DGKB: variants seen among roughly 807,000 people sequenced by gnomAD.
DGKB encodes diacylglycerol kinase beta.
DGKB carries 67 observed loss-of-function variants against 114.3 expected under a neutral mutation model. The ratio of observed to expected loss-of-function variants is 0.59; its 90% CI spans 0.48 to 0.72. DGKB has a LOEUF of 0.72. Ranked by LOEUF, DGKB falls within the 30% of genes least tolerant of loss-of-function variation. The probability of loss-of-function intolerance (pLI) is 0.00; values close to 1 mark genes in which losing one functional copy is unlikely to be tolerated. For synonymous variants in DGKB, 398 were observed against 323.1 expected, an observed-to-expected ratio of 1.23 and a Z score of -2.49; for missense variants, 907 against 975.2, an observed-to-expected ratio of 0.93 and a Z score of 0.93.
intron 12 of DGKB, among the ~76,000 whole-genome samples, chr7:14,673,650 A>G (rs1265357421): frequency 6.6e-6 from 1 of 152,014 alleles, no homozygotes; most frequent in African/African-American, 2.4e-5. Flanking sequence ...TGTCCTATTT[A>G]TTTTTTAATA....
At chr7:14,914,763 C>A (rs909430974) in intron 1 of DGKB, among the ~76,000 whole-genome samples, 1 of 151,372 alleles carries the variant, frequency 6.6e-6, no homozygotes, top group African/African-American at 2.4e-5. Flanking sequence ...AAAAAGTAGA[C>A]AACATTCAAG....
rs574879763 is a variant in DGKB, at chr7:14,574,436, T to C, written c.1610-64A>G. 18 of 1,393,814 alleles carry C rather than the reference T, an allele frequency of 1.3e-5. No individual in the cohort carries two copies. In the South Asian group the frequency reaches 1.9e-4, roughly 15 times the overall value. The allele number at this position is 1,393,814 out of a possible 1,614,324, so 86.3% of individuals were successfully genotyped here. Reference sequence around the variant, plus strand: ...ACCAAATAAAAAAGCTGTATTTTTATGTTTCAGTGTGCTTATGCATATGTA... The same window carrying C: ...ACCAAATAAAAAAGCTGTATTTTTACGTTTCAGTGTGCTTATGCATATGTA... On this transcript the variant is annotated intron_variant, in intron 19 of 25. Coordinates refer to ENST00000402815, the MANE Select transcript of DGKB (RefSeq NM_001350709.2).
rs73289506 is a variant in DGKB, at chr7:14,579,471, T to C, written c.1609+1391A>G. The stretch of plus-strand genomic sequence containing the variant: ...ATTATTAATTTTCATATACATCAAA[T>C]ATATGTTCCAGGAGAACATGGCAAG... On this transcript the variant is annotated intron_variant, in intron 19 of 25. Transcript: ENST00000402815. Among the ~76,000 whole-genome samples the C allele has an allele frequency of 9.4e-3, 1,438 of 152,316 alleles. 31 individuals carry two copies. Among genetic ancestry groups the C allele is most frequent in the African/African-American group, 0.033 (1,376 of 41,558 alleles).
In DGKB at chr7:14,338,599, G is replaced by A; in HGVS notation, c.2038C>T (p.Arg680Ter). 1.2e-6 allele frequency: 2 copies of A among 1,609,114 alleles called. No homozygotes were observed. The highest frequency in any genetic ancestry group is 1.7e-6 in the Non-Finnish European group (2 of 1,177,294). Residue 680 changes from arginine (R) to a stop codon, truncating the protein, a stop_gained, in exon 23 of 26, where the codon CGA becomes TGA. Transcript: ENST00000402815. LOFTEE classifies it high-confidence loss of function. The stretch of plus-strand genomic sequence containing the variant: ...TTTTTCTCTATTCGTCGATGGCTTC[G>A]TCTTTTCTTAGACTCTCCCCAAAGA... ...SNLWGESKKR[R>*]SHRRIEKKGS... is the part of the protein sequence containing the mutation.
At chr7:14,394,093 G>A (rs1428476480) in intron 21 of DGKB, among the ~76,000 whole-genome samples, 2 of 152,074 alleles carry the variant, frequency 1.3e-5, no homozygotes, top group Admixed American at 6.6e-5. Flanking sequence ...ATCAGTGATG[G>A]AAAAGATCAA....
chr7:14,753,064 A>G (rs1201498949), intron 4 of DGKB, among the ~76,000 whole-genome samples: 1 of 152,200 alleles, frequency 6.6e-6, no homozygotes, highest in Non-Finnish European at 1.5e-5. Flanking sequence ...TGTAAGATGT[A>G]GGATCTGTAT....
chr7:14,844,512 G>A (rs1009022404), intron 1 of DGKB, among the ~76,000 whole-genome samples: 10 of 152,066 alleles, frequency 6.6e-5, no homozygotes, highest in Admixed American at 5.9e-4. Context: ...TACAACAAAA[G>A]GACTACAAAA....
chr7:14,549,890 A>G (rs1461576169), intron 20 of DGKB, among the ~76,000 whole-genome samples: 1 of 151,998 alleles, frequency 6.6e-6, no homozygotes, highest in Non-Finnish European at 1.5e-5. Flanking sequence ...TGAGAGGCTG[A>G]GGGAGGAGAA....
At chr7:14,786,511 G>T (rs1340418101) in intron 2 of DGKB, among the ~76,000 whole-genome samples, 1 of 152,212 alleles carries the variant, frequency 6.6e-6, no homozygotes, top group Admixed American at 6.5e-5. Flanking sequence ...TGTATTCCCT[G>T]GAGCCGGGGG....
intron 21 of DGKB, among the ~76,000 whole-genome samples, chr7:14,477,063 T>G (rs1411557887): frequency 2.0e-5 from 3 of 152,140 alleles, no homozygotes; most frequent in Non-Finnish European, 4.4e-5. Flanking sequence ...TAAAAAGATC[T>G]CAATAGGTAA....
At chr7:14,889,811 G>A (rs931121140) in intron 1 of DGKB, among the ~76,000 whole-genome samples, 1 of 151,468 alleles carries the variant, frequency 6.6e-6, no homozygotes, top group Non-Finnish European at 1.5e-5. Flanking sequence ...GCATAAGATA[G>A]GGACAACTTT....
chr7:14,738,688 T>C (rs796557658), intron 4 of DGKB, among the ~76,000 whole-genome samples: 71 of 152,340 alleles, frequency 4.7e-4, no homozygotes, highest in African/African-American at 1.7e-3. Context: ...AAAGCCACAT[T>C]ACTTCACATG....
At chr7:14,402,582 A>G (rs911054620) in intron 21 of DGKB, among the ~76,000 whole-genome samples, 6 of 151,936 alleles carry the variant, frequency 3.9e-5, no homozygotes, top group Non-Finnish European at 8.8e-5. Context: ...ATTTATGAGT[A>G]TGACAGTATG....
At chr7:14,468,172 T>G (rs1780754775) in intron 21 of DGKB, among the ~76,000 whole-genome samples, 1 of 152,154 alleles carries the variant, frequency 6.6e-6, no homozygotes, top group African/African-American at 2.4e-5. Context: ...GCAATTGAAC[T>G]CTAGTCAATT....
chr7:14,841,522 T>C (rs984325165), intron 1 of DGKB, 72 bp from the exon 2 acceptor site: 1 of 348,542 alleles, frequency 2.9e-6, no homozygotes, highest in East Asian at 4.4e-5. Context: ...TGTCAAGGTG[T>C]TGAATGTTAA....
chr7:14,582,133 A>G (rs1449850414), intron 18 of DGKB, among the ~76,000 whole-genome samples: 5 of 152,196 alleles, frequency 3.3e-5, no homozygotes, highest in Admixed American at 6.5e-5. Flanking sequence ...CTTCTTTTGA[A>G]TCAATTCGTT....
intron 21 of DGKB, among the ~76,000 whole-genome samples, chr7:14,433,025 C>G (rs993987313): frequency 1.5e-4 from 23 of 152,042 alleles, no homozygotes; most frequent in African/African-American, 5.1e-4. Flanking sequence ...TTCCCAGATC[C>G]CCTCCCTTAA....
At chr7:14,687,964 T>C (rs1822013696) in intron 9 of DGKB, among the ~76,000 whole-genome samples, 1 of 152,170 alleles carries the variant, frequency 6.6e-6, no homozygotes, top group African/African-American at 2.4e-5. Context: ...AAAAAACAAA[T>C]TAAATGGCTT....
Position 14,580,842 on chromosome 7 carries a change from T to A in DGKB, c.1609+20A>T. ...GGGTGTTGTGTACTGTTTCTGCTTTTGTTGTTGCAGCTGCTTTACCTCCTC... is the reference window on the plus strand; with the variant it reads ...GGGTGTTGTGTACTGTTTCTGCTTTAGTTGTTGCAGCTGCTTTACCTCCTC... On this transcript the variant is annotated intron_variant, in intron 19 of 25. Coordinates refer to ENST00000402815, the MANE Select transcript of DGKB (RefSeq NM_001350709.2). 1 of 1,574,938 alleles carries A rather than the reference T, an allele frequency of 6.3e-7. No individual in the cohort carries two copies. Among genetic ancestry groups the A allele is most frequent in the Non-Finnish European group, 8.7e-7 (1 of 1,153,464 alleles).
Sources: gnomAD v4.1 joint callset for allele counts (sites outside exome capture counted in the v4.1 genomes callset) on GRCh38, gnomAD v4.1.1 for gene constraint, MANE v1.5 for transcripts, NCBI Gene and HGNC (gene_info 2026-07-23, HGNC 2026-07-21) for gene names.